STAT5B: variants seen among roughly 807,000 people sequenced by gnomAD.
STAT5B encodes the protein signal transducer and activator of transcription 5B.
STAT5B carries 21 observed loss-of-function variants against 107.8 expected under a neutral mutation model. That is an observed-to-expected ratio of 0.19 (90% CI 0.14 to 0.28). STAT5B has a LOEUF of 0.28. Among genes scored for constraint, STAT5B ranks in the 10% least tolerant of loss-of-function variants. The probability of loss-of-function intolerance (pLI) is 1.00; values close to 1 mark genes in which losing one functional copy is unlikely to be tolerated. For synonymous variants in STAT5B, 325 were observed against 401.7 expected (o/e 0.81, Z 2.28); for missense variants, 565 against 1,008.2 (o/e 0.56, Z 5.95).
intron 8 of STAT5B, 139 bp from the exon 9 acceptor site, chr17:42,218,469 G>C: frequency 6.9e-7 from 1 of 1,439,638 alleles, no homozygotes; most frequent in Non-Finnish European, 9.4e-7. Context: ...CTGTTCCTGG[G>C]GAAGCCGTGA....
chr17:42,212,237 T>C (rs1172208499), intron 12 of STAT5B, 47 bp from the exon 13 acceptor site: 8 of 1,613,710 alleles, frequency 5.0e-6, no homozygotes, highest in African/African-American at 1.3e-5. Context: ...AGTTGCATGA[T>C]TTATTCCCTC....
chr17:42,226,393 T>C (rs535178320), intron 3 of STAT5B, among the ~76,000 whole-genome samples: 2 of 152,142 alleles, frequency 1.3e-5, no homozygotes, highest in South Asian at 2.1e-4. Flanking sequence ...CTAAAGGACA[T>C]GTTTGAATTA....
At chr17:42,232,919 G>T (rs1413959378) in intron 1 of STAT5B, among the ~76,000 whole-genome samples, 3 of 147,044 alleles carry the variant, frequency 2.0e-5, no homozygotes, top group African/African-American at 5.1e-5. Flanking sequence ...TCGGCTCACT[G>T]CAACCTCTGC....
intron 16 of STAT5B, among the ~76,000 whole-genome samples, chr17:42,206,563 G>GT (rs2080086700): frequency 1.3e-5 from 2 of 152,188 alleles, no homozygotes; most frequent in South Asian, 4.1e-4. Context: ...TGTGGTATCT[G>GT]TTTTTTTGTT....
At chr17:42,205,577 T>C (rs2144203832) in intron 16 of STAT5B, among the ~76,000 whole-genome samples, 1 of 152,290 alleles carries the variant, frequency 6.6e-6, no homozygotes, top group South Asian at 2.1e-4. Context: ...TCTAGATCTT[T>C]GTATGGCTAG....
intron 2 of STAT5B, among the ~76,000 whole-genome samples, chr17:42,228,820 G>C (rs1294198267): frequency 1.3e-5 from 2 of 152,174 alleles, no homozygotes; most frequent in African/African-American, 4.8e-5. Flanking sequence ...TGTAGTCCCA[G>C]CTACTTGGGA....
chr17:42,226,732 C>T (rs760551729), intron 3 of STAT5B, among the ~76,000 whole-genome samples: 10 of 144,378 alleles, frequency 6.9e-5, no homozygotes, highest in Non-Finnish European at 1.2e-4. Context: ...CACTTGAACC[C>T]GGGAGGTGGA....
intron 2 of STAT5B, among the ~76,000 whole-genome samples, chr17:42,230,712 G>A (rs1007234089): frequency 2.0e-5 from 3 of 151,924 alleles, no homozygotes; most frequent in Non-Finnish European, 4.4e-5. Flanking sequence ...CCAGGCTGGA[G>A]TGCAGTAGTG....
intron 3 of STAT5B, 29 bp downstream of exon 3, chr17:42,227,500 T>G: frequency 6.2e-7 from 1 of 1,612,218 alleles, no homozygotes; most frequent in Non-Finnish European, 8.5e-7. Context: ...GGGAAGGTAA[T>G]TAAGTGTGAC....
intron 1 of STAT5B, among the ~76,000 whole-genome samples, chr17:42,246,865 C>G (rs1464515509): frequency 6.6e-6 from 1 of 152,140 alleles, no homozygotes; most frequent in African/African-American, 2.4e-5. Flanking sequence ...GTTGACAGTT[C>G]AAGAGTAACA....
At chr17:42,262,007 G>C (rs1340140173) in intron 1 of STAT5B, among the ~76,000 whole-genome samples, 1 of 152,016 alleles carries the variant, frequency 6.6e-6, no homozygotes, top group African/African-American at 2.4e-5. Context: ...GCCTAAAATA[G>C]ATTTTTACTT....
At chr17:42,263,106 G>A (rs1218071534) in intron 1 of STAT5B, among the ~76,000 whole-genome samples, 1 of 142,298 alleles carries the variant, frequency 7.0e-6, no homozygotes, top group Non-Finnish European at 1.5e-5. Context: ...CACCATTATA[G>A]CTCACTGCAG....
In STAT5B at chr17:42,217,111, C is replaced by CCA. The variant is rs142589260; in HGVS notation, c.1380+47_1380+48dup. 3.2e-4 allele frequency: 502 copies of CCA among 1,564,180 alleles called. 4 individuals carry two copies. The South Asian group carries it at 4.8e-3, about 15-fold the overall frequency. Reference sequence around the variant, plus strand: ...AAAATATTTTGTAACATAAAGTACACCACACACACACACGCACACGCACAC... The same window carrying CCA: ...AAAATATTTTGTAACATAAAGTACACCACACACACACACACGCACACGCACAC... On this transcript the variant is annotated intron_variant, in intron 11 of 18. Coordinates refer to ENST00000293328, the MANE Select transcript of STAT5B (RefSeq NM_012448.4).
rs57356051 is a variant in STAT5B, at chr17:42,207,487, G to GCACACA, written c.2077+65_2077+70dup. ...CAAGAGAGATAACACACGCAGGTATGCACACACACACACACACACACACAC... is the reference window on the plus strand; with the variant it reads ...CAAGAGAGATAACACACGCAGGTATGCACACACACACACACACACACACACACACAC... On this transcript the variant is annotated intron_variant, in intron 16 of 18. Transcript: ENST00000293328. The GCACACA allele has an allele frequency of 5.6e-4, 673 of 1,198,556 alleles. 1 individual carries two copies. The highest frequency in any genetic ancestry group is 4.6e-3 in the African/African-American group (290 of 63,122). The allele number at this position is 1,198,556 out of a possible 1,614,324, so 74.2% of individuals were successfully genotyped here.
intron 1 of STAT5B, among the ~76,000 whole-genome samples, chr17:42,237,853 C>T (rs2080368989): frequency 6.6e-6 from 1 of 152,098 alleles, no homozygotes; most frequent in South Asian, 2.1e-4. Flanking sequence ...ACTTATGCCC[C>T]TTAGGGGGCT....
chr17:42,221,795 TCTCAAAGA>T (rs2080228247), intron 5 of STAT5B, among the ~76,000 whole-genome samples: 1 of 152,210 alleles, frequency 6.6e-6, no homozygotes, highest in Non-Finnish European at 1.5e-5. Context: ...TATAGTCCCT[TCTCAAAGA>T]TTTATATTCC....
chr17:42,287,888 G>C, the STAT5B span: 1 of 152,308 alleles, frequency 6.6e-6, no homozygotes, highest in South Asian at 2.1e-4. Context: ...GTAAAAGAAG[G>C]AGGGAGGTGC....
At chr17:42,265,481 T>G (rs1459316381) in intron 1 of STAT5B, among the ~76,000 whole-genome samples, 1 of 151,074 alleles carries the variant, frequency 6.6e-6, no homozygotes, top group Non-Finnish European at 1.5e-5. Flanking sequence ...GCCTCCCGAG[T>G]AGCTGGGATT....
chr17:42,202,567 G>A (rs566758057), intron 17 of STAT5B, 120 bp from the exon 18 acceptor site: 25 of 1,428,842 alleles, frequency 1.7e-5, no homozygotes, highest in Middle Eastern at 2.5e-4. Flanking sequence ...TGCCCCACTC[G>A]GCCCTGGGGC....
Sources: gnomAD v4.1 joint callset for allele counts (sites outside exome capture counted in the v4.1 genomes callset) on GRCh38, gnomAD v4.1.1 for gene constraint, MANE v1.5 for transcripts, NCBI Gene and HGNC (gene_info 2026-07-23, HGNC 2026-07-21) for gene names.